AHI1: variants seen among roughly 807,000 people sequenced by gnomAD.
AHI1 encodes jouberin.
AHI1 carries 123 observed loss-of-function variants against 149.3 expected under a neutral mutation model. The ratio of observed to expected loss-of-function variants is 0.82; its 90% CI spans 0.71 to 0.96. The LOEUF (loss-of-function observed/expected upper bound fraction) is 0.96, where lower values mean the gene tolerates loss of function less well. AHI1 is among the 40% of genes least tolerant of loss of function. The pLI, the probability that AHI1 is intolerant of heterozygous loss-of-function variation, is 0.00. For synonymous variants in AHI1, 475 were observed against 459.8 expected, an observed-to-expected ratio of 1.03 and a Z score of -0.42; for missense variants, 1,439 against 1,422.7, an observed-to-expected ratio of 1.01 and a Z score of -0.18.
rs191899050 is a variant in AHI1, at chr6:135,363,005, G to A, written c.3110-4818C>T. ...TTATGATTCTGGGTCTTAGATTTAA[G>A]TCTTTCATCCATCTTTTTTTTAAAT... On this transcript the variant is annotated intron_variant, in intron 23 of 28. Transcript: ENST00000265602. Among the ~76,000 whole-genome samples, 58 of 150,918 alleles carry A rather than the reference G, an allele frequency of 3.8e-4. No homozygotes were observed. In the East Asian group the frequency reaches 8.3e-3, roughly 22 times the overall value.
intron 26 of AHI1, among the ~76,000 whole-genome samples, chr6:135,306,573 G>A (rs1182809567): frequency 1.3e-5 from 2 of 152,144 alleles, no homozygotes; most frequent in African/African-American, 4.8e-5. Flanking sequence ...GCCTCGCTGA[G>A]GAAAGTAATC....
chr6:135,410,069 GAA>G (rs1212308414), intron 21 of AHI1, among the ~76,000 whole-genome samples: 2 of 152,152 alleles, frequency 1.3e-5, no homozygotes, highest in African/African-American at 4.8e-5. Context: ...TGTAAGGTAA[GAA>G]ATACTACAAT....
At position 135,323,331 on chromosome 6, in the gene AHI1, G is replaced by C; in HGVS notation, c.3166-7C>G. 3.7e-6 allele frequency: 6 copies of C among 1,612,508 alleles called. No individual in the cohort carries two copies. The highest frequency in any genetic ancestry group is 2.2e-5 in the South Asian group (2 of 90,644). On this transcript the variant is annotated splice_polypyrimidine_tract_variant and splice_region_variant and intron_variant, in intron 24 of 28. Coordinates refer to ENST00000265602, the MANE Select transcript of AHI1 (RefSeq NM_001134831.2). Reference sequence around the variant, plus strand: ...AGTCATAAAGAGCCACTACCTAAGAGAGAGATAAGACCACCACAGCTTTAT... The same window carrying C: ...AGTCATAAAGAGCCACTACCTAAGACAGAGATAAGACCACCACAGCTTTAT...
intron 15 of AHI1, among the ~76,000 whole-genome samples, chr6:135,435,768 T>C (rs544022145): frequency 3.9e-5 from 6 of 152,280 alleles, no homozygotes; most frequent in South Asian, 4.1e-4. Flanking sequence ...CTGAGGTCAA[T>C]AGCAACAATT....
chr6:135,376,964 A>C (rs1038721670), intron 23 of AHI1, among the ~76,000 whole-genome samples: 3 of 150,090 alleles, frequency 2.0e-5, no homozygotes. Context: ...TAACAACCAA[A>C]GAAAGATTCT....
At chr6:135,374,108 A>ATT (rs869245989) in intron 23 of AHI1, among the ~76,000 whole-genome samples, 5 of 49,814 alleles carry the variant, frequency 1.0e-4, no homozygotes, top group Non-Finnish European at 1.5e-4. Flanking sequence ...ATATATATAT[A>ATT]TTTTTTTTTT....
At chr6:135,318,217 T>TA (rs1194408154) in intron 26 of AHI1, among the ~76,000 whole-genome samples, 1 of 152,192 alleles carries the variant, frequency 6.6e-6, no homozygotes, top group Non-Finnish European at 1.5e-5. Flanking sequence ...GTATCACAGT[T>TA]AAAGAAATAA....
At chr6:135,390,277 T>A (rs1161379562) in intron 23 of AHI1, among the ~76,000 whole-genome samples, 1 of 152,136 alleles carries the variant, frequency 6.6e-6, no homozygotes, top group Non-Finnish European at 1.5e-5. Context: ...CTTAAAAAAG[T>A]CTAACAATTG....
chr6:135,443,448 A>C (rs1406764087), intron 13 of AHI1, among the ~76,000 whole-genome samples: 1 of 152,200 alleles, frequency 6.6e-6, no homozygotes, highest in African/African-American at 2.4e-5. Flanking sequence ...CTGGGCTCTT[A>C]CTATATGTCA....
intron 21 of AHI1, among the ~76,000 whole-genome samples, chr6:135,409,242 G>A (rs1393294629): frequency 1.3e-5 from 2 of 151,968 alleles, no homozygotes; most frequent in African/African-American, 4.8e-5. Flanking sequence ...GTGTTTGTAT[G>A]TTTTGTATAT....
At chr6:135,489,687 G>A (rs565687711) in intron 5 of AHI1, among the ~76,000 whole-genome samples, 4 of 152,008 alleles carry the variant, frequency 2.6e-5, no homozygotes, top group Non-Finnish European at 4.4e-5. Flanking sequence ...TTGTGCAGTC[G>A]TACACCAGTG....
At chr6:135,420,176 C>T (rs1220765624) in intron 20 of AHI1, among the ~76,000 whole-genome samples, 2 of 152,134 alleles carry the variant, frequency 1.3e-5, no homozygotes, top group Admixed American at 6.6e-5. Flanking sequence ...TACACTTCTT[C>T]CAAACTTCTG....
intron 23 of AHI1, among the ~76,000 whole-genome samples, chr6:135,367,276 C>T (rs1041998358): frequency 1.3e-5 from 2 of 152,138 alleles, no homozygotes; most frequent in Admixed American, 6.5e-5. Flanking sequence ...GATGCTTTTG[C>T]CTCACAGCTC....
intron 5 of AHI1, among the ~76,000 whole-genome samples, chr6:135,469,087 C>T (rs1484205692): frequency 1.3e-5 from 2 of 152,180 alleles, no homozygotes; most frequent in African/African-American, 2.4e-5. Context: ...ATATCCCTGA[C>T]GAACACTGAT....
Position 135,427,292 on chromosome 6 carries a change from ATGGC to A in AHI1, c.2635_2638del (p.Ala879CysfsTer99). 6.2e-7 allele frequency: 1 copy of A among 1,609,286 alleles called. No individual in the cohort carries two copies. The highest frequency in any genetic ancestry group is 8.5e-7 in the Non-Finnish European group (1 of 1,176,994). ...TGACTTGAATGGCAAGTCAGAATACATGGCTACTTGTTCTCCTAAATAAAAAGAG... is the reference window on the plus strand; with the variant it reads ...TGACTTGAATGGCAAGTCAGAATACATACTTGTTCTCCTAAATAAAAAGAG... On this transcript the variant is annotated frameshift_variant, in exon 20 of 29. Coordinates refer to ENST00000265602, the MANE Select transcript of AHI1 (RefSeq NM_001134831.2). LOFTEE classifies it high-confidence loss of function.
At chr6:135,398,645 G>A (rs1779595432) in intron 22 of AHI1, among the ~76,000 whole-genome samples, 1 of 152,136 alleles carries the variant, frequency 6.6e-6, no homozygotes, top group Non-Finnish European at 1.5e-5. Flanking sequence ...TTAGGGTAAA[G>A]CAATTTACCT....
intron 24 of AHI1, among the ~76,000 whole-genome samples, chr6:135,340,684 T>TATATAG (rs1790226960): frequency 7.3e-6 from 1 of 137,388 alleles, no homozygotes. Context: ...TATATATATA[T>TATATAG]ATATATATAT....
intron 5 of AHI1, among the ~76,000 whole-genome samples, chr6:135,478,367 A>C (rs998056872): frequency 2.0e-5 from 3 of 152,162 alleles, no homozygotes; most frequent in African/African-American, 7.2e-5. Flanking sequence ...GAGATGAAGA[A>C]CTTATTGGGA....
chr6:135,411,587 A>C (rs780247462), intron 20 of AHI1, 43 bp from the exon 21 acceptor site: 2 of 1,460,192 alleles, frequency 1.4e-6, no homozygotes, highest in Non-Finnish European at 1.8e-6. Context: ...TCATAGCAAA[A>C]GCATAATCAA....
Sources: allele counts gnomAD v4.1 joint callset (sites outside exome capture counted in the v4.1 genomes callset), GRCh38; gene constraint gnomAD v4.1.1; transcripts MANE v1.5; gene names NCBI Gene and HGNC (gene_info 2026-07-23, HGNC 2026-07-21).